ATXN7L2: variants seen among roughly 807,000 people sequenced by gnomAD.
ATXN7L2 encodes the protein ataxin 7 like 2.
ATXN7L2 carries 17 observed loss-of-function variants against 59.6 expected under a neutral mutation model. The observed-to-expected ratio is 0.29, with a 90% CI of 0.20 to 0.43. The LOEUF (loss-of-function observed/expected upper bound fraction) is 0.43. ATXN7L2 is among the 20% of genes least tolerant of loss of function. The pLI, the probability that ATXN7L2 is intolerant of heterozygous loss-of-function variation, is 1.00. For missense variants in ATXN7L2, 858 were observed against 1,008.9 expected (o/e 0.85, Z 2.03); for synonymous variants, 378 against 392.5 (o/e 0.96, Z 0.44).
In ATXN7L2 at chr1:109,491,351, T is replaced by C; in HGVS notation, c.1884T>C (p.Ser628=). The change falls in exon 10 of 11, where the codon TCT becomes TCC. Residue 628 remains serine, a synonymous_variant. Coordinates refer to ENST00000683729, the MANE Select transcript of ATXN7L2 (RefSeq NM_001350175.2). This position sits in a 1 kb window ranked among gnomAD's most constrained non-coding sequence, Gnocchi z 4.1. ...AGCCCACTGGAAAAGGGAAACCCTC[T>C]GGCTGTAGGGGCCTCTCGGCCAAAA... ...ILEPTGKGKP[S]GCRGLSAKTK... The C allele has an allele frequency of 2.5e-6, 4 of 1,614,248 alleles. No homozygotes were observed. Among genetic ancestry groups the C allele is most frequent in the Non-Finnish European group, 3.4e-6 (4 of 1,180,052 alleles).
chr1:109,484,062 G>A lies in ATXN7L2; in HGVS notation c.109G>A (p.Asp37Asn). ...CTGGAGCTCGTGGGTGGAGCGGGCC[G>A]ACCTGCCCGCGGCTGACGGTGAGTA... ...QSWSSWVERA[D>N]LPAADGAELE... The change falls in exon 1 of 11, where the codon GAC (aspartate) becomes AAC (asparagine). Residue 37 changes from aspartate (D) to asparagine (N), a missense_variant. Physicochemically the swap from Asp to Asn is conservative, Grantham distance 23. Around this residue, in one of 3 missense-constraint regions of ATXN7L2, gnomAD observed 95 missense variants for 82.6 expected, o/e 1.15. Coordinates refer to ENST00000683729, the MANE Select transcript of ATXN7L2 (RefSeq NM_001350175.2). 1 of 1,516,476 alleles carries A rather than the reference G, an allele frequency of 6.6e-7. No homozygotes were observed. 93.9% of individuals were successfully genotyped at this position (1,516,476 alleles called of 1,614,324 possible).
In ATXN7L2 at chr1:109,484,084, A is replaced by C; in HGVS notation, c.127+4A>C. Reference sequence around the variant, plus strand: ...GCCGACCTGCCCGCGGCTGACGGTGAGTAAAGCCACCCTAAAGTCCGGGGA... The same window carrying C: ...GCCGACCTGCCCGCGGCTGACGGTGCGTAAAGCCACCCTAAAGTCCGGGGA... On this transcript the variant is annotated splice_donor_region_variant and intron_variant, in intron 1 of 10. Transcript: ENST00000683729. The C allele has an allele frequency of 6.6e-7, 1 of 1,511,004 alleles. No individual in the cohort carries two copies. Among genetic ancestry groups the C allele is most frequent in the South Asian group, 1.2e-5 (1 of 81,316 alleles). 93.6% of individuals were successfully genotyped at this position (1,511,004 alleles called of 1,614,324 possible).
chr1:109,484,385 C>G (rs966804587), intron 1 of ATXN7L2, among the ~76,000 whole-genome samples: 1 of 152,108 alleles, frequency 6.6e-6, no homozygotes, highest in African/African-American at 2.4e-5. Flanking sequence ...GCTCGCGACC[C>G]TCCTGCACCT....
At chr1:109,487,850 C>G in intron 5 of ATXN7L2, 46 bp downstream of exon 5, 4 of 1,536,056 alleles carry the variant, frequency 2.6e-6, no homozygotes, top group Non-Finnish European at 3.5e-6. Flanking sequence ...AGTGGGGACT[C>G]CTTTGGGCTG....
Position 109,489,362 on chromosome 1 carries a change from A to G in ATXN7L2, c.1133+262A>G, listed in dbSNP as rs192840340. 9.7e-4 allele frequency: 502 copies of G among 515,378 alleles called. 1 individual carries two copies. The highest frequency in any genetic ancestry group is 6.1e-3 in the African/African-American group (322 of 52,656). The allele number at this position is 515,378 out of a possible 1,614,324, so 31.9% of individuals were successfully genotyped here. A position where few individuals can be genotyped will look rare whatever the true frequency, so the allele number is the denominator to read the frequency against. On this transcript the variant is annotated intron_variant, in intron 7 of 10. Coordinates refer to ENST00000683729, the MANE Select transcript of ATXN7L2 (RefSeq NM_001350175.2). ...ATGAACATTTTCCCAGCTGCCTCCA[A>G]CAGACCGAAACTTGTCACTGGGGAG...
chr1:109,485,635 G>C, intron 1 of ATXN7L2: 1 of 987,210 alleles, frequency 1.0e-6, no homozygotes, highest in Non-Finnish European at 1.2e-6. Flanking sequence ...GGGACTTATA[G>C]AAACATTGGT....
intron 1 of ATXN7L2, among the ~76,000 whole-genome samples, chr1:109,484,416 G>C (rs1420059271): frequency 6.6e-6 from 1 of 151,430 alleles, no homozygotes; most frequent in African/African-American, 2.4e-5. Flanking sequence ...TTCCCTGTCC[G>C]CAACAGTCCT....
In ATXN7L2 at chr1:109,486,341, G is replaced by T; in HGVS notation, c.194-165G>T. 1 of 938,152 alleles carries T rather than the reference G, an allele frequency of 1.1e-6. No homozygotes were observed. The highest frequency in any genetic ancestry group is 1.6e-6 in the Non-Finnish European group (1 of 638,710). The allele number at this position is 938,152 out of a possible 1,614,324, so 58.1% of individuals were successfully genotyped here. A position where few individuals can be genotyped will look rare whatever the true frequency, so the allele number is the denominator to read the frequency against. ...CTCACCTGAAAGCGTATACCCTTTG[G>T]GACTGCTTAGATCGAACTCTGGAAG... is the stretch of plus-strand genomic sequence containing the variant. On this transcript the variant is annotated intron_variant, in intron 2 of 10. Transcript: ENST00000683729. This position sits in a 1 kb window ranked among gnomAD's most constrained non-coding sequence, Gnocchi z 4.3.
intron 10 of ATXN7L2, chr1:109,492,024 C>T (rs1419995644): frequency 2.6e-6 from 3 of 1,164,830 alleles, no homozygotes; most frequent in Non-Finnish European, 2.1e-6. Flanking sequence ...ACCCTCATTC[C>T]AGGTACTGGA....
chr1:109,491,549 C>T lies in ATXN7L2; in HGVS notation c.2082C>T (p.Cys694=). The T allele has an allele frequency of 1.9e-6, 3 of 1,614,032 alleles. No homozygotes were observed. The highest frequency in any genetic ancestry group is 2.5e-6 in the Non-Finnish European group (3 of 1,180,050). ...CAGCCAAGGCCCTGCCAACCAACTG[C>T]CTCTCTGAGGAGGAGGTGGCCAAGA... The part of the protein sequence containing the change: ...GHPAKALPTN[C]LSEEEVAKKR... The change falls in exon 10 of 11, where the codon TGC becomes TGT. Residue 694 remains cysteine, a synonymous_variant. Coordinates refer to ENST00000683729, the MANE Select transcript of ATXN7L2 (RefSeq NM_001350175.2). This position sits in a 1 kb window ranked among gnomAD's most constrained non-coding sequence, Gnocchi z 4.1.
At position 109,484,013 on chromosome 1, in the gene ATXN7L2, T is replaced by G. The variant is rs1656375880; in HGVS notation, c.60T>G (p.Ser20Arg). The part of the protein sequence containing the change: ...AMAALERRVP[S>R]LDDFAGQSWS... ...CCGCTCTGGAGCGGCGGGTGCCGAG[T>G]CTCGATGACTTCGCGGGACAGAGCT... Residue 20 changes from serine (S) to arginine (R), a missense_variant, in exon 1 of 11, where the codon AGT becomes AGG. By Grantham distance (110) the Ser-to-Arg change is moderately radical. This residue lies in a region of ATXN7L2 where 95 missense variants were observed against 82.6 expected (regional missense o/e 1.15). Coordinates refer to ENST00000683729, the MANE Select transcript of ATXN7L2 (RefSeq NM_001350175.2). 2 of 1,417,968 alleles carry G rather than the reference T, an allele frequency of 1.4e-6. No homozygotes were observed. Among genetic ancestry groups the G allele is most frequent in the Non-Finnish European group, 1.9e-6 (2 of 1,077,752 alleles). 87.8% of individuals were successfully genotyped at this position (1,417,968 alleles called of 1,614,324 possible).
intron 7 of ATXN7L2, 163 bp downstream of exon 7, chr1:109,489,263 A>C: frequency 1.1e-6 from 1 of 935,566 alleles, no homozygotes; most frequent in East Asian, 2.7e-5. Flanking sequence ...GAAGCAGGAG[A>C]CTCCCCTGTT....
chr1:109,486,916 T>C lies in ATXN7L2; in HGVS notation c.299-91T>C, dbSNP rs1656621451. ...CAATCTAATTTATGGAAACTCAGATTCTCTCATGTGAGTCTATGGACATGG... is the reference window on the plus strand; with the variant it reads ...CAATCTAATTTATGGAAACTCAGATCCTCTCATGTGAGTCTATGGACATGG... On this transcript the variant is annotated intron_variant, in intron 3 of 10. Coordinates refer to ENST00000683729, the MANE Select transcript of ATXN7L2 (RefSeq NM_001350175.2). This position sits in a 1 kb window ranked among gnomAD's most constrained non-coding sequence, Gnocchi z 4.3. 1 of 1,172,160 alleles carries C rather than the reference T, an allele frequency of 8.5e-7. No homozygotes were observed. Among genetic ancestry groups the C allele is most frequent in the Non-Finnish European group, 1.2e-6 (1 of 848,100 alleles). The allele number at this position is 1,172,160 out of a possible 1,614,324, so 72.6% of individuals were successfully genotyped here.
Position 109,486,528 on chromosome 1 carries a change from C to T in ATXN7L2, c.216C>T (p.Cys72=), listed in dbSNP as rs1293880942. The part of the protein sequence containing the change: ...IKEDMSIFGH[C]PAHDDFYLVV... ...CAGACATGTCCATCTTCGGGCACTG[C>T]CCTGCCCATGATGACTTCTACTTGG... Residue 72 remains cysteine (C), a synonymous_variant, in exon 3 of 11, where the codon TGC becomes TGT. Coordinates refer to ENST00000683729, the MANE Select transcript of ATXN7L2 (RefSeq NM_001350175.2). This position sits in a 1 kb window ranked among gnomAD's most constrained non-coding sequence, Gnocchi z 4.3. 3.7e-6 allele frequency: 6 copies of T among 1,613,736 alleles called. No homozygotes were observed. Among genetic ancestry groups the T allele is most frequent in the South Asian group, 1.1e-5 (1 of 91,066 alleles).
rs1374407291 is a variant in ATXN7L2 at position 109,489,120 on chromosome 1, C to G, written c.1133+20C>G. ...GCCCAGGTACGTCTAGAATCCAACC[C>G]CTACCTCACCTGGGGGTACTTGGCC... On this transcript the variant is annotated intron_variant, in intron 7 of 10. Coordinates refer to ENST00000683729, the MANE Select transcript of ATXN7L2 (RefSeq NM_001350175.2). The G allele has an allele frequency of 1.3e-6, 2 of 1,599,258 alleles. No homozygotes were observed. The highest frequency in any genetic ancestry group is 2.2e-5 in the South Asian group (2 of 90,244).
Position 109,488,520 on chromosome 1 carries a change from C to T in ATXN7L2, c.879+55C>T. On this transcript the variant is annotated intron_variant, in intron 6 of 10. Coordinates refer to ENST00000683729, the MANE Select transcript of ATXN7L2 (RefSeq NM_001350175.2). The surrounding 1 kb of genome is among the most constrained non-coding windows in gnomAD (Gnocchi z 5.0). Reference sequence around the variant, plus strand: ...AGGACAGCACAGGGCTTGCCCACTCCTTCCCTGGGCAAAGAGAGGAATGTC... The same window carrying T: ...AGGACAGCACAGGGCTTGCCCACTCTTTCCCTGGGCAAAGAGAGGAATGTC... 1.3e-6 allele frequency: 2 copies of T among 1,506,360 alleles called. No homozygotes were observed. The highest frequency in any genetic ancestry group is 4.6e-5 in the East Asian group (2 of 43,190). 93.3% of individuals were successfully genotyped at this position (1,506,360 alleles called of 1,614,324 possible). A position where few individuals can be genotyped will look rare whatever the true frequency, so the allele number is the denominator to read the frequency against.
intron 1 of ATXN7L2, 122 bp downstream of exon 1, chr1:109,484,202 A>C (rs111520338): frequency 1.1e-5 from 12 of 1,045,088 alleles, no homozygotes; most frequent in African/African-American, 1.7e-5. Context: ...GGCCCCCCAA[A>C]CAAAGGACCC....
Position 109,491,653 on chromosome 1 carries a change from G to C in ATXN7L2, c.2186G>C (p.Cys729Ser), listed in dbSNP as rs1318525058. The change falls in exon 10 of 11, where the codon TGC becomes TCC. Residue 729 changes from cysteine (C) to serine (S), a missense_variant. Around this residue, in one of 3 missense-constraint regions of ATXN7L2, gnomAD observed 734 missense variants for 862.3 expected, o/e 0.85. Coordinates refer to ENST00000683729, the MANE Select transcript of ATXN7L2 (RefSeq NM_001350175.2). The surrounding 1 kb of genome is among the most constrained non-coding windows in gnomAD (Gnocchi z 4.1). ...CQAGAPADVA[C>S]SVRRKKPGPA... Reference sequence around the variant, plus strand: ...GCTGGTGCCCCTGCTGATGTGGCCTGCTCTGTGCGCCGCAAGAAGCCAGGC... The same window carrying C: ...GCTGGTGCCCCTGCTGATGTGGCCTCCTCTGTGCGCCGCAAGAAGCCAGGC... 1 of 1,612,136 alleles carries C rather than the reference G, an allele frequency of 6.2e-7. No homozygotes were observed. The highest frequency in any genetic ancestry group is 8.5e-7 in the Non-Finnish European group (1 of 1,179,460).
chr1:109,490,597 G>A (rs142579747), intron 9 of ATXN7L2, among the ~76,000 whole-genome samples: 30 of 152,330 alleles, frequency 2.0e-4, no homozygotes, highest in African/African-American at 6.7e-4. Context: ...GGGCATGGAA[G>A]GGTGGTCTGG....
Sources: allele counts gnomAD v4.1 joint callset (sites outside exome capture counted in the v4.1 genomes callset), GRCh38; gene constraint gnomAD v4.1.1; regional missense constraint gnomAD v4.1.1; non-coding constraint Gnocchi (gnomAD v3.1); transcripts MANE v1.5; gene names NCBI Gene and HGNC (gene_info 2026-07-23, HGNC 2026-07-21).